CDH4: variants seen among roughly 807,000 people sequenced by gnomAD.
The protein encoded by CDH4 is cadherin-4.
CDH4 carries 33 observed loss-of-function variants against 86.0 expected under a neutral mutation model. The observed-to-expected ratio is 0.38, with a 90% confidence interval of 0.29 to 0.51. CDH4 has a LOEUF of 0.51. CDH4 is among the 20% of genes least tolerant of loss of function. The probability of loss-of-function intolerance (pLI) is 0.86; values close to 1 mark genes in which losing one functional copy is unlikely to be tolerated. For synonymous variants in CDH4, 555 were observed against 549.4 expected (o/e 1.01, Z -0.14); for missense variants, 1,114 against 1,307.4 (o/e 0.85, Z 2.28).
At chr20:61,303,217 T>G (rs756708395) in intron 2 of CDH4, among the ~76,000 whole-genome samples, 2 of 152,036 alleles carry the variant, frequency 1.3e-5, no homozygotes, top group Non-Finnish European at 2.9e-5. Context: ...GAGTGGAGAG[T>G]GGTACCCAGG....
At chr20:61,757,105 A>G (rs1319164025) in intron 3 of CDH4, among the ~76,000 whole-genome samples, 4 of 152,168 alleles carry the variant, frequency 2.6e-5, no homozygotes, top group Non-Finnish European at 5.9e-5. Flanking sequence ...AATAACCTCC[A>G]CGCTCCTGCA....
chr20:61,385,462 G>A (rs949053720), intron 2 of CDH4, among the ~76,000 whole-genome samples: 6 of 151,250 alleles, frequency 4.0e-5, no homozygotes, highest in African/African-American at 1.2e-4. Flanking sequence ...GCCGCCCCCC[G>A]CCCCCTTGGA....
In CDH4 at chr20:61,684,622, C is replaced by G. The variant is rs932981381; in HGVS notation, c.170-58941C>G. On this transcript the variant is annotated intron_variant, in intron 2 of 15. Coordinates refer to ENST00000614565, the MANE Select transcript of CDH4 (RefSeq NM_001794.5). The surrounding 1 kb of genome is among the most constrained non-coding windows in gnomAD (Gnocchi z 4.5). ...TCCTGGGGGTTCAGTCTCTAACCTG[C>G]TCTTTAAAATTTTAGGGCTTTCTTG... Among the ~76,000 whole-genome samples, 1 of 152,168 alleles carries G rather than the reference C, an allele frequency of 6.6e-6. No individual in the cohort carries two copies. Among genetic ancestry groups the G allele is most frequent in the Non-Finnish European group, 1.5e-5 (1 of 68,036 alleles).
At chr20:61,454,538 C>T (rs1340997290) in intron 2 of CDH4, among the ~76,000 whole-genome samples, 1 of 152,116 alleles carries the variant, frequency 6.6e-6, no homozygotes, top group African/African-American at 2.4e-5. Context: ...CTCCGCCTCC[C>T]GGGTTCACGC....
Position 61,680,662 on chromosome 20 carries a change from C to T in CDH4, c.170-62901C>T, listed in dbSNP as rs148741993. Among the ~76,000 whole-genome samples the T allele has an allele frequency of 3.3e-5, 5 of 152,310 alleles. No homozygotes were observed. The East Asian group carries it at 9.7e-4, about 29-fold the overall frequency. ...AAAGAAATGGTTCCCTGTGGATTTT[C>T]AGAGCTTCGGTAGTCATGGTTCAGC... On this transcript the variant is annotated intron_variant, in intron 2 of 15. Coordinates refer to ENST00000614565, the MANE Select transcript of CDH4 (RefSeq NM_001794.5).
chr20:61,458,631 G>A (rs1195615466), intron 2 of CDH4, among the ~76,000 whole-genome samples: 1 of 151,968 alleles, frequency 6.6e-6, no homozygotes, highest in African/African-American at 2.4e-5. Context: ...GACAGTAGTG[G>A]TATTGGTGGT....
chr20:61,304,057 C>T (rs1731520005), intron 2 of CDH4, among the ~76,000 whole-genome samples: 1 of 152,160 alleles, frequency 6.6e-6, no homozygotes, highest in African/African-American at 2.4e-5. Context: ...GTGATGTCCC[C>T]AGTTCTATGG....
At position 61,849,824 on chromosome 20, in the gene CDH4, C is replaced by T. The variant is rs529795440; in HGVS notation, c.733-2930C>T. 8.5e-5 allele frequency among the ~76,000 whole-genome samples: 13 copies of T among 152,304 alleles called. No homozygotes were observed. The East Asian group carries it at 2.1e-3, about 25-fold the overall frequency. On this transcript the variant is annotated intron_variant, in intron 5 of 15. Transcript: ENST00000614565. Reference sequence around the variant, plus strand: ...TTCGAAGGCCCATGTGGTTGGATGGCGTCCACCCAGCCCTGTCTTAAGGTC... The same window carrying T: ...TTCGAAGGCCCATGTGGTTGGATGGTGTCCACCCAGCCCTGTCTTAAGGTC...
At position 61,894,691 on chromosome 20, in the gene CDH4, C is replaced by T. The variant is rs117881918; in HGVS notation, c.1051-219C>T. Among the ~76,000 whole-genome samples the T allele has an allele frequency of 6.2e-4, 94 of 152,262 alleles. 3 individuals carry two copies. The East Asian group carries it at 7.4e-3, about 12-fold the overall frequency. On this transcript the variant is annotated intron_variant, in intron 7 of 15. Transcript: ENST00000614565. ...AAAACACAGGCAAACCTCTTCATGCCGCACCTTAACGCATGGCAAGGGGAG... is the reference window on the plus strand; with the variant it reads ...AAAACACAGGCAAACCTCTTCATGCTGCACCTTAACGCATGGCAAGGGGAG...
At chr20:61,669,130 G>T (rs1355661037) in intron 2 of CDH4, among the ~76,000 whole-genome samples, 1 of 152,236 alleles carries the variant, frequency 6.6e-6, no homozygotes, top group Non-Finnish European at 1.5e-5. Context: ...AAGTTAAGGA[G>T]CGGGCATGGG....
At chr20:61,580,142 G>C (rs1226755299) in intron 2 of CDH4, among the ~76,000 whole-genome samples, 1 of 151,424 alleles carries the variant, frequency 6.6e-6, no homozygotes, top group African/African-American at 2.4e-5. Context: ...AAAGGAATCT[G>C]TATAAAGTCA....
chr20:61,910,224 C>G (rs1394037856), intron 8 of CDH4, among the ~76,000 whole-genome samples, 198 bp from the exon 9 acceptor site: 1 of 148,206 alleles, frequency 6.7e-6, no homozygotes, highest in African/African-American at 2.5e-5. Context: ...TGAGCTGGGC[C>G]GACACGTTGT....
At chr20:61,460,184 G>A (rs954570437) in intron 2 of CDH4, among the ~76,000 whole-genome samples, 1 of 152,214 alleles carries the variant, frequency 6.6e-6, no homozygotes, top group Non-Finnish European at 1.5e-5. Context: ...CCCTCGGCTA[G>A]CACATAATAA....
rs555947410 is a variant in CDH4 at position 61,807,421 on chromosome 20, C to T, written c.576+34239C>T. ...TTCTCGTAACAGGGTGTCTGGGTACCTAAATGTCGGAATTTGAGGCTATTC... is the reference window on the plus strand; with the variant it reads ...TTCTCGTAACAGGGTGTCTGGGTACTTAAATGTCGGAATTTGAGGCTATTC... On this transcript the variant is annotated intron_variant, in intron 4 of 15. Coordinates refer to ENST00000614565, the MANE Select transcript of CDH4 (RefSeq NM_001794.5). This position sits in a 1 kb window ranked among gnomAD's most constrained non-coding sequence, Gnocchi z 4.5. 1.2e-3 allele frequency among the ~76,000 whole-genome samples: 176 copies of T among 152,328 alleles called. No homozygotes were observed. Among genetic ancestry groups the T allele is most frequent in the African/African-American group, 3.9e-3 (162 of 41,570 alleles).
intron 2 of CDH4, among the ~76,000 whole-genome samples, chr20:61,575,488 G>A (rs75640513): frequency 0.019 from 2,959 of 152,294 alleles, 98 homozygotes; most frequent in African/African-American, 0.067. Flanking sequence ...ACCTGTACTC[G>A]TGGAGTTTAA....
At chr20:61,839,291 AGT>A (rs1456749922) in intron 4 of CDH4, among the ~76,000 whole-genome samples, 5 of 151,016 alleles carry the variant, frequency 3.3e-5, no homozygotes, top group Middle Eastern at 3.4e-3. Context: ...TGCATGGGGG[AGT>A]GTGTGTGTGT....
At chr20:61,554,924 C>T (rs764528156) in intron 2 of CDH4, among the ~76,000 whole-genome samples, 2 of 152,184 alleles carry the variant, frequency 1.3e-5, no homozygotes, top group South Asian at 2.1e-4. Flanking sequence ...CATGTGTGCT[C>T]GTGTGTGCAT....
chr20:61,503,262 G>A (rs984770567), intron 2 of CDH4, among the ~76,000 whole-genome samples: 9 of 152,156 alleles, frequency 5.9e-5, no homozygotes, highest in Admixed American at 2.0e-4. Context: ...AAATGTGTCC[G>A]TTCATAGTTG....
intron 4 of CDH4, among the ~76,000 whole-genome samples, chr20:61,825,707 G>C (rs916196281): frequency 6.6e-6 from 1 of 152,178 alleles, no homozygotes; most frequent in Non-Finnish European, 1.5e-5. Flanking sequence ...GCCCAGAGCT[G>C]TCTCCCACCT....
Sources: gnomAD v4.1 joint callset for allele counts (sites outside exome capture counted in the v4.1 genomes callset) on GRCh38, gnomAD v4.1.1 for gene constraint, Gnocchi (gnomAD v3.1) non-coding constraint, MANE v1.5 for transcripts, NCBI Gene and HGNC (gene_info 2026-07-23, HGNC 2026-07-21) for gene names.